Variants in AGK observed in about 807,000 individuals in gnomAD.
The protein encoded by AGK is acylglycerol kinase, mitochondrial.
AGK carries 52 observed loss-of-function variants against 66.4 expected under a neutral mutation model. The observed-to-expected ratio is 0.78, with a 90% CI of 0.63 to 0.99. AGK has a LOEUF of 0.99. AGK is among the 50% of genes least tolerant of loss of function. AGK has a pLI of 0.00. For missense variants in AGK, 451 were observed against 506.6 expected (o/e 0.89, Z 1.05); for synonymous variants, 182 against 181.1 (o/e 1.00, Z -0.04).
intron 2 of AGK, among the ~76,000 whole-genome samples, chr7:141,576,651 A>G (rs547980902): frequency 2.5e-4 from 38 of 151,142 alleles, no homozygotes; most frequent in African/African-American, 8.8e-4. Flanking sequence ...CCAGGAAGTT[A>G]AACCTTAAAA....
chr7:141,612,008 C>T (rs1003468079), intron 6 of AGK, among the ~76,000 whole-genome samples: 1 of 152,266 alleles, frequency 6.6e-6, no homozygotes, highest in Non-Finnish European at 1.5e-5. Flanking sequence ...GGAGTTGAAA[C>T]CCTGTGTCCA....
chr7:141,591,862 A>G (rs1047745813), intron 2 of AGK, among the ~76,000 whole-genome samples: 6 of 152,244 alleles, frequency 3.9e-5, no homozygotes, highest in African/African-American at 1.4e-4. Context: ...GACTGGAGCC[A>G]TTTAAAATGC....
chr7:141,569,439 CAGG>C (rs1352912704), intron 2 of AGK, among the ~76,000 whole-genome samples: 1 of 152,116 alleles, frequency 6.6e-6, no homozygotes, highest in African/African-American at 2.4e-5. Flanking sequence ...GAGGTTGAGG[CAGG>C]AGAATTGTTT....
At chr7:141,588,806 C>T (rs1218841121) in intron 2 of AGK, among the ~76,000 whole-genome samples, 1 of 152,032 alleles carries the variant, frequency 6.6e-6, no homozygotes, top group Non-Finnish European at 1.5e-5. Context: ...CCTTTTTAGA[C>T]CATACAGTGT....
chr7:141,589,993 A>G (rs1236711736), intron 2 of AGK, among the ~76,000 whole-genome samples: 1 of 152,222 alleles, frequency 6.6e-6, no homozygotes, highest in African/African-American at 2.4e-5. Flanking sequence ...CTATCACAAA[A>G]TCTTTTTATT....
At chr7:141,641,788 C>G (rs751702718) in intron 12 of AGK, 23 bp from the exon 13 acceptor site, 2 of 1,553,306 alleles carry the variant, frequency 1.3e-6, no homozygotes, top group Non-Finnish European at 1.7e-6. Context: ...AGAAACTGAC[C>G]TGTATCTAAT....
chr7:141,551,863 A>G lies in AGK; in HGVS notation c.-15+429A>G, dbSNP rs534690519. On this transcript the variant is annotated intron_variant, in intron 1 of 15. Coordinates refer to ENST00000649286, the MANE Select transcript of AGK (RefSeq NM_018238.4). ...TACTAGGTTCTGGTGCTGCAGATGG[A>G]TAGACGAACTTGCCCATGAGGGGTT... Among the ~76,000 whole-genome samples, 7 of 152,298 alleles carry G rather than the reference A, an allele frequency of 4.6e-5. No individual in the cohort carries two copies. In the South Asian group the frequency reaches 1.0e-3, roughly 23 times the overall value.
intron 2 of AGK, among the ~76,000 whole-genome samples, chr7:141,570,110 A>C (rs972521506): frequency 6.6e-6 from 1 of 152,162 alleles, no homozygotes; most frequent in African/African-American, 2.4e-5. Context: ...ATTTTAGGCC[A>C]GGCGCAGTGG....
intron 8 of AGK, among the ~76,000 whole-genome samples, chr7:141,616,827 C>T (rs981470542): frequency 3.3e-5 from 5 of 149,940 alleles, no homozygotes; most frequent in Admixed American, 6.7e-5. Context: ...GGCGCGAACT[C>T]GGCTCACTGC....
rs1042634501 is a variant in AGK, at chr7:141,653,170, C to T, written c.*246C>T. ...GTTGGCCCTCCTAAACACGGACTTTCCTCAGGCTGGTTCAAGACGGAAAAG... is the reference window on the plus strand; with the variant it reads ...GTTGGCCCTCCTAAACACGGACTTTTCTCAGGCTGGTTCAAGACGGAAAAG... On this transcript the variant is annotated 3_prime_UTR_variant, in exon 16 of 16. Transcript: ENST00000649286. 8.6e-6 allele frequency: 4 copies of T among 462,620 alleles called. No homozygotes were observed. The highest frequency in any genetic ancestry group is 1.2e-5 in the Non-Finnish European group (3 of 254,456). 28.7% of individuals were successfully genotyped at this position (462,620 alleles called of 1,614,324 possible).
In AGK at chr7:141,598,009, A is replaced by G. The variant is rs1229566366; in HGVS notation, c.221+1368A>G. Among the ~76,000 whole-genome samples the G allele has an allele frequency of 1.3e-5, 2 of 152,118 alleles. No individual in the cohort carries two copies. The highest frequency in any genetic ancestry group is 4.8e-5 in the African/African-American group (2 of 41,430). On this transcript the variant is annotated intron_variant, in intron 4 of 15. Coordinates refer to ENST00000649286, the MANE Select transcript of AGK (RefSeq NM_018238.4). The surrounding 1 kb of genome is among the most constrained non-coding windows in gnomAD (Gnocchi z 4.2). ...CATTAAGGTAATAAGAACAACAACA[A>G]GAAAGATAGTTTGGGCTGAATTGTA...
At chr7:141,606,265 C>T (rs1796458430) in intron 5 of AGK, among the ~76,000 whole-genome samples, 1 of 152,188 alleles carries the variant, frequency 6.6e-6, no homozygotes, top group African/African-American at 2.4e-5. Context: ...CTGATGCTCC[C>T]TTGAGCCTTC....
chr7:141,611,307 T>G lies in AGK; in HGVS notation c.390+20T>G, dbSNP rs765579813. 2 of 1,570,998 alleles carry G rather than the reference T, an allele frequency of 1.3e-6. No individual in the cohort carries two copies. Among genetic ancestry groups the G allele is most frequent in the Admixed American group, 1.7e-5 (1 of 57,992 alleles). On this transcript the variant is annotated intron_variant, in intron 6 of 15. Coordinates refer to ENST00000649286, the MANE Select transcript of AGK (RefSeq NM_018238.4). ...CAGGAGGTATGACTGTTTTTCTCTT[T>G]GAAGCTATTTTGAAGGTGAGAAAAA...
In AGK at chr7:141,601,218, C is replaced by G. The variant is rs1312887101; in HGVS notation, c.235C>G (p.Leu79Val). 3.1e-6 allele frequency: 5 copies of G among 1,612,220 alleles called. No individual in the cohort carries two copies. The highest frequency in any genetic ancestry group is 1.3e-5 in the African/African-American group (1 of 74,820). ...PAACKGKART[L>V]FEKNAAPILH... is the part of the protein sequence containing the mutation. ...CTTTGTTAACAGAAAAGCCAGGACT[C>G]TATTTGAAAAAAATGCTGCCCCGAT... The change falls in exon 5 of 16, where the codon CTA becomes GTA. Residue 79 changes from leucine (L) to valine (V), a missense_variant. Coordinates refer to ENST00000649286, the MANE Select transcript of AGK (RefSeq NM_018238.4).
intron 2 of AGK, among the ~76,000 whole-genome samples, chr7:141,590,661 T>A: frequency 6.6e-6 from 1 of 152,198 alleles, no homozygotes; most frequent in Admixed American, 6.5e-5. Context: ...AAGTATCCAG[T>A]AAGCTATAAG....
chr7:141,593,290 C>G (rs1426067307), intron 3 of AGK, 105 bp downstream of exon 3: 1 of 1,050,736 alleles, frequency 9.5e-7, no homozygotes. Flanking sequence ...TCTGTGCAGT[C>G]TGGCTATTTT....
chr7:141,584,826 C>T (rs1795962934), intron 2 of AGK, among the ~76,000 whole-genome samples: 1 of 152,202 alleles, frequency 6.6e-6, no homozygotes, highest in African/African-American at 2.4e-5. Flanking sequence ...TATTTTCACT[C>T]ACATCTTCTA....
At chr7:141,560,986 G>A (rs1364805229) in intron 2 of AGK, among the ~76,000 whole-genome samples, 1 of 151,994 alleles carries the variant, frequency 6.6e-6, no homozygotes, top group Non-Finnish European at 1.5e-5. Flanking sequence ...GTAGAGACGG[G>A]GTTTCATCGT....
rs373039633 is a variant in AGK, at chr7:141,615,775, AG to A, written c.518+213del. 146 of 552,938 alleles carry A rather than the reference AG, an allele frequency of 2.6e-4. No homozygotes were observed. The East Asian group carries it at 3.3e-3, about 12-fold the overall frequency. 34.3% of individuals were successfully genotyped at this position (552,938 alleles called of 1,614,324 possible). ...CTTATAATAAGTCTCCAGGTCAGGT[AG>A]GGAGGTGAATACTTGATGTCCTTTT... On this transcript the variant is annotated intron_variant, in intron 8 of 15. Transcript: ENST00000649286.
Sources: allele counts gnomAD v4.1 joint callset (sites outside exome capture counted in the v4.1 genomes callset), GRCh38; gene constraint gnomAD v4.1.1; non-coding constraint Gnocchi (gnomAD v3.1); transcripts MANE v1.5; gene names NCBI Gene and HGNC (gene_info 2026-07-23, HGNC 2026-07-21).